The following COLEC10 variants were observed in gnomAD, a reference collection of about 807,000 sequenced individuals.
COLEC10 encodes the protein collectin subfamily member 10.
In COLEC10, 22 loss-of-function variants were observed where a neutral mutation model predicts 28.4. The observed-to-expected ratio is 0.78, with a 90% CI of 0.55 to 1.11. The LOEUF (loss-of-function observed/expected upper bound fraction) is 1.11, where lower values mean the gene tolerates loss of function less well. Ranked by LOEUF, COLEC10 falls within the 50% of genes least tolerant of loss-of-function variation. The probability of loss-of-function intolerance (pLI) is 0.00; values close to 1 mark genes in which losing one functional copy is unlikely to be tolerated. For synonymous variants in COLEC10, 125 were observed against 116.1 expected (o/e 1.08, Z -0.49); for missense variants, 361 against 344.1 (o/e 1.05, Z -0.39).
intron 4 of COLEC10, among the ~76,000 whole-genome samples, chr8:119,102,883 A>G (rs1815866745): frequency 6.6e-6 from 1 of 152,166 alleles, no homozygotes; most frequent in African/African-American, 2.4e-5. Context: ...TTACACAGGG[A>G]AAGAAAGTAG....
chr8:118,996,053 C>T (rs1813583711), intron 1 of COLEC10, among the ~76,000 whole-genome samples: 1 of 152,050 alleles, frequency 6.6e-6, no homozygotes, highest in African/African-American at 2.4e-5. Flanking sequence ...GTCCCCTCTC[C>T]CAAAACCCCT....
upstream of COLEC10, among the ~76,000 whole-genome samples, chr8:118,992,011 C>G (rs1344114828): frequency 1.3e-5 from 2 of 151,960 alleles, no homozygotes; most frequent in South Asian, 4.2e-4. Context: ...GATTTTAAAG[C>G]TAGAGTTGAT....
At chr8:118,994,101 G>A (rs1813551459), upstream of COLEC10, among the ~76,000 whole-genome samples, 1 of 152,140 alleles carries the variant, frequency 6.6e-6, no homozygotes. Context: ...CCTTGATTAA[G>A]GTCTGAATAC....
At chr8:119,079,853 G>C (rs1815336066) in intron 1 of COLEC10, among the ~76,000 whole-genome samples, 1 of 151,998 alleles carries the variant, frequency 6.6e-6, no homozygotes, top group Non-Finnish European at 1.5e-5. Flanking sequence ...ATTAAGGGGT[G>C]AGTTGAGATA....
intron 1 of COLEC10, among the ~76,000 whole-genome samples, chr8:119,009,157 C>A (rs1380168203): frequency 6.6e-6 from 1 of 150,870 alleles, no homozygotes; most frequent in Non-Finnish European, 1.5e-5. Flanking sequence ...AGACCACTGG[C>A]CCATACCATT....
At chr8:118,990,645 C>T (rs996673621), upstream of COLEC10, among the ~76,000 whole-genome samples, 7 of 152,140 alleles carry the variant, frequency 4.6e-5, no homozygotes, top group Admixed American at 2.0e-4. Flanking sequence ...ACACCATCTT[C>T]ATTTTGAAGA....
upstream of COLEC10, chr8:119,063,213 T>C (rs367759080): frequency 6.6e-6 from 1 of 152,192 alleles, no homozygotes; most frequent in African/African-American, 2.4e-5. Flanking sequence ...ACTGAGCAAA[T>C]GTTTTGATGT....
chr8:119,064,613 G>A (rs1339320359), upstream of COLEC10, among the ~76,000 whole-genome samples: 2 of 152,158 alleles, frequency 1.3e-5, no homozygotes, highest in East Asian at 3.8e-4. Context: ...CATGTAAAAT[G>A]TTAGGTTTCT....
chr8:118,991,076 TTTAG>T (rs1159836482), upstream of COLEC10, among the ~76,000 whole-genome samples: 2 of 152,192 alleles, frequency 1.3e-5, no homozygotes, highest in Non-Finnish European at 2.9e-5. Flanking sequence ...GGAAACAGTT[TTTAG>T]TTAATTTTAT....
At chr8:118,974,811 C>T in the COLEC10 span, among the ~76,000 whole-genome samples, 1 of 152,026 alleles carries the variant, frequency 6.6e-6, no homozygotes, top group East Asian at 1.9e-4. Flanking sequence ...CCATTACTAT[C>T]ATCTGGTATT....
At chr8:118,970,547 G>A in the COLEC10 span, among the ~76,000 whole-genome samples, 3 of 151,932 alleles carry the variant, frequency 2.0e-5, no homozygotes. Flanking sequence ...AGAATCAAAT[G>A]AGATCATATC....
chr8:119,073,591 C>T (rs755099750), intron 1 of COLEC10, among the ~76,000 whole-genome samples: 22 of 151,476 alleles, frequency 1.5e-4, no homozygotes, highest in Admixed American at 5.9e-4. Flanking sequence ...TTCAGTGTAT[C>T]GATACTTAGA....
intron 2 of COLEC10, among the ~76,000 whole-genome samples, chr8:119,022,209 T>A (rs536547708): frequency 6.6e-6 from 1 of 152,282 alleles, no homozygotes; most frequent in South Asian, 2.1e-4. Flanking sequence ...GAAAAGAGTC[T>A]GGATTCTATG....
At chr8:119,024,557 T>G (rs1178583796) in intron 2 of COLEC10, among the ~76,000 whole-genome samples, 7 of 136,546 alleles carry the variant, frequency 5.1e-5, no homozygotes, top group Non-Finnish European at 7.7e-5. Context: ...TATGCATACA[T>G]GTATGCACAT....
chr8:119,044,796 A>G (rs1814558765), intron 2 of COLEC10, among the ~76,000 whole-genome samples: 1 of 151,512 alleles, frequency 6.6e-6, no homozygotes, highest in African/African-American at 2.4e-5. Flanking sequence ...CAGAGGATGC[A>G]GTGAGCCGAG....
upstream of COLEC10, among the ~76,000 whole-genome samples, chr8:118,991,258 G>T (rs1813501755): frequency 6.6e-6 from 1 of 152,048 alleles, no homozygotes; most frequent in Non-Finnish European, 1.5e-5. Flanking sequence ...ACACTTACTA[G>T]CTATGTGACA....
chr8:119,023,512 T>G (rs902687282), intron 2 of COLEC10, among the ~76,000 whole-genome samples: 1 of 152,164 alleles, frequency 6.6e-6, no homozygotes, highest in African/African-American at 2.4e-5. Flanking sequence ...ACTAAAACTT[T>G]GTTCCAAAGA....
At chr8:118,972,760 C>A in the COLEC10 span, among the ~76,000 whole-genome samples, 1 of 152,004 alleles carries the variant, frequency 6.6e-6, no homozygotes, top group Non-Finnish European at 1.5e-5. Flanking sequence ...TACCCCTACT[C>A]CAGGTGTATT....
chr8:119,091,253 T>G (rs1351758424), intron 3 of COLEC10, 33 bp downstream of exon 3: 2 of 1,554,784 alleles, frequency 1.3e-6, no homozygotes, highest in Non-Finnish European at 1.8e-6. Context: ...CCAGTAGCAA[T>G]TCAAAGCAAA....
Sources: gnomAD v4.1 joint callset for allele counts (sites outside exome capture counted in the v4.1 genomes callset) on GRCh38, gnomAD v4.1.1 for gene constraint, MANE v1.5 for transcripts, NCBI Gene and HGNC (gene_info 2026-07-23, HGNC 2026-07-21) for gene names.